The following LARS2 variants were observed in gnomAD, a reference collection of about 807,000 sequenced individuals.
LARS2 encodes the protein leucyl-tRNA synthetase 2, mitochondrial.
In LARS2, 81 loss-of-function variants were observed where a neutral mutation model predicts 116.6. The observed-to-expected ratio is 0.69, with a 90% CI of 0.58 to 0.84. The LOEUF (loss-of-function observed/expected upper bound fraction) is 0.84, where lower values mean the gene tolerates loss of function less well. Ranked by LOEUF, LARS2 falls within the 40% of genes least tolerant of loss-of-function variation. LARS2 has a pLI of 0.00. For synonymous variants in LARS2, 396 were observed against 407.2 expected, an observed-to-expected ratio of 0.97 and a Z score of 0.33; for missense variants, 968 against 1,114.5, an observed-to-expected ratio of 0.87 and a Z score of 1.87.
chr3:45,426,864 C>T (rs1698603242), intron 6 of LARS2, among the ~76,000 whole-genome samples: 1 of 152,134 alleles, frequency 6.6e-6, no homozygotes, highest in Non-Finnish European at 1.5e-5. Context: ...CCAGTCAGGT[C>T]ATCCCCATCA....
chr3:45,500,369 A>G (rs1700098150), intron 14 of LARS2, 73 bp from the exon 15 acceptor site: 1 of 1,397,358 alleles, frequency 7.2e-7, no homozygotes, highest in African/African-American at 1.5e-5. Flanking sequence ...TATGCATATT[A>G]CAATAGGCCT....
intron 8 of LARS2, among the ~76,000 whole-genome samples, chr3:45,463,774 A>C (rs547511596): frequency 1.8e-4 from 27 of 152,100 alleles, no homozygotes; most frequent in Non-Finnish European, 2.8e-4. Flanking sequence ...TAAGGAGCTT[A>C]GACTTTAGTG....
At chr3:45,470,285 G>A (rs777399488) in intron 8 of LARS2, among the ~76,000 whole-genome samples, 1 of 152,042 alleles carries the variant, frequency 6.6e-6, no homozygotes, top group Non-Finnish European at 1.5e-5. Context: ...CATATTAGCC[G>A]CGTTATATTT....
At chr3:45,442,758 G>A (rs1371144102) in intron 6 of LARS2, among the ~76,000 whole-genome samples, 3 of 152,230 alleles carry the variant, frequency 2.0e-5, no homozygotes, top group Middle Eastern at 6.8e-3. Flanking sequence ...TCACTTAACC[G>A]CCTCCATCTT....
At chr3:45,508,938 C>A (rs1014305188) in intron 15 of LARS2, among the ~76,000 whole-genome samples, 2 of 151,826 alleles carry the variant, frequency 1.3e-5, no homozygotes, top group Non-Finnish European at 2.9e-5. Flanking sequence ...CAAATGTGGC[C>A]TTCAATGCCC....
At chr3:45,433,952 T>A (rs1698762028) in intron 6 of LARS2, among the ~76,000 whole-genome samples, 1 of 152,216 alleles carries the variant, frequency 6.6e-6, no homozygotes, top group Non-Finnish European at 1.5e-5. Context: ...CTGATAAATC[T>A]GCTGTCTTTG....
intron 16 of LARS2, among the ~76,000 whole-genome samples, chr3:45,515,301 A>G (rs1053565139): frequency 1.3e-5 from 2 of 152,158 alleles, no homozygotes; most frequent in African/African-American, 4.8e-5. Flanking sequence ...CAATTTACCA[A>G]GTGACCTTGG....
chr3:45,417,839 G>A (rs369379283), intron 5 of LARS2, among the ~76,000 whole-genome samples: 79 of 152,058 alleles, frequency 5.2e-4, no homozygotes, highest in African/African-American at 1.8e-3. Context: ...ATTTACATTC[G>A]GTAGGAAAAA....
intron 7 of LARS2, among the ~76,000 whole-genome samples, chr3:45,448,508 C>G (rs1274674925): frequency 1.3e-5 from 2 of 152,278 alleles, no homozygotes; most frequent in African/African-American, 2.4e-5. Flanking sequence ...CACACACACA[C>G]AGAAATATAG....
chr3:45,481,917 C>T (rs1183425342), intron 10 of LARS2, among the ~76,000 whole-genome samples: 1 of 152,012 alleles, frequency 6.6e-6, no homozygotes, highest in Non-Finnish European at 1.5e-5. Context: ...ACGCTATTGC[C>T]TAATAAAAGG....
intron 13 of LARS2, among the ~76,000 whole-genome samples, chr3:45,492,900 T>C (rs1303818650): frequency 6.6e-6 from 1 of 152,028 alleles, no homozygotes; most frequent in Admixed American, 6.5e-5. Context: ...CATTTTAGGG[T>C]AGAAATGTTG....
At chr3:45,448,225 T>C (rs1241016656) in intron 7 of LARS2, among the ~76,000 whole-genome samples, 1 of 152,144 alleles carries the variant, frequency 6.6e-6, no homozygotes, top group East Asian at 1.9e-4. Context: ...ATAACAAATA[T>C]TGGCTTTTTG....
intron 20 of LARS2, among the ~76,000 whole-genome samples, chr3:45,540,041 T>C (rs1700767157): frequency 6.6e-6 from 1 of 152,318 alleles, no homozygotes; most frequent in South Asian, 2.1e-4. Flanking sequence ...GTGCATCACC[T>C]GAGATCAGGA....
intron 9 of LARS2, among the ~76,000 whole-genome samples, chr3:45,476,027 C>G (rs2125719546): frequency 2.6e-5 from 4 of 151,562 alleles, no homozygotes; most frequent in Middle Eastern, 6.9e-3. Flanking sequence ...GCAGTAATAA[C>G]CTTGGCACCT....
chr3:45,456,813 A>C (rs1021906718), intron 7 of LARS2, among the ~76,000 whole-genome samples: 1 of 152,178 alleles, frequency 6.6e-6, no homozygotes, highest in African/African-American at 2.4e-5. Flanking sequence ...CACATACTTA[A>C]ATTTTCCAAT....
chr3:45,546,443 C>G (rs1278311286), intron 21 of LARS2, among the ~76,000 whole-genome samples: 1 of 152,220 alleles, frequency 6.6e-6, no homozygotes, highest in Non-Finnish European at 1.5e-5. Flanking sequence ...TCGTCCTCTC[C>G]CTGTGACCTA....
At chr3:45,491,334 C>T (rs183571127) in intron 12 of LARS2, among the ~76,000 whole-genome samples, 183 bp from the exon 13 acceptor site, 1 of 152,264 alleles carries the variant, frequency 6.6e-6, no homozygotes, top group African/African-American at 2.4e-5. Context: ...TTAATATTAT[C>T]TGAAGGAGCA....
At chr3:45,541,352 C>T (rs920368963) in intron 20 of LARS2, among the ~76,000 whole-genome samples, 1 of 152,102 alleles carries the variant, frequency 6.6e-6, no homozygotes, top group Non-Finnish European at 1.5e-5. Context: ...TCCCCCTGCA[C>T]GTGGTGAGGA....
At chr3:45,488,117 G>A (rs1334606926) in intron 11 of LARS2, among the ~76,000 whole-genome samples, 2 of 151,990 alleles carry the variant, frequency 1.3e-5, no homozygotes, top group Non-Finnish European at 2.9e-5. Context: ...ACTCAAAAAT[G>A]TATATATTAG....
Sources: allele counts gnomAD v4.1 joint callset (sites outside exome capture counted in the v4.1 genomes callset), GRCh38; gene constraint gnomAD v4.1.1; transcripts MANE v1.5; gene names NCBI Gene and HGNC (gene_info 2026-07-23, HGNC 2026-07-21).